The following ABCC5 variants were observed in gnomAD, a reference collection of about 807,000 sequenced individuals.
The protein encoded by ABCC5 is ATP binding cassette subfamily C member 5, also known as ATP-binding cassette sub-family C member 5.
Under a neutral mutation model 160.9 loss-of-function variants are expected in ABCC5, and 61 were observed. That is an observed-to-expected ratio of 0.38 (90% CI 0.31 to 0.47). ABCC5 has a LOEUF of 0.47. Among genes scored for constraint, ABCC5 ranks in the 20% least tolerant of loss-of-function variants. ABCC5 has a pLI of 0.99. For missense variants in ABCC5, 1,308 were observed against 1,813.3 expected, an observed-to-expected ratio of 0.72 and a Z score of 5.06; for synonymous variants, 666 against 700.6, an observed-to-expected ratio of 0.95 and a Z score of 0.78.
intron 10 of ABCC5, among the ~76,000 whole-genome samples, chr3:183,972,795 C>T (rs373282384): frequency 3.3e-5 from 5 of 152,222 alleles, no homozygotes; most frequent in Admixed American, 1.3e-4. Flanking sequence ...CAGGCACGTG[C>T]CACCATGCCC....
Position 183,982,898 on chromosome 3 carries a change from C to G in ABCC5, c.701G>C (p.Trp234Ser), listed in dbSNP as rs1314133085. ...CAATGCCCAAGTCAGTGCAAGCGAC[C>G]AAGACCGCACGATTTCCGTCAGGAG... ...GLLLTEIVRS[W>S]SLALTWALNY... The change falls in exon 6 of 30, where the codon TGG becomes TCG. Residue 234 changes from tryptophan (W) to serine (S), a missense_variant. This residue lies in a region of ABCC5 where 1,142 missense variants were observed against 1,527.1 expected (regional missense o/e 0.75). Transcript: ENST00000334444. The surrounding 1 kb of genome is among the most constrained non-coding windows in gnomAD (Gnocchi z 5.2). The G allele has an allele frequency of 6.2e-7, 1 of 1,614,086 alleles. No homozygotes were observed. Among genetic ancestry groups the G allele is most frequent in the Admixed American group, 1.7e-5 (1 of 60,008 alleles).
At chr3:183,952,480 G>A (rs1715464724) in intron 18 of ABCC5, among the ~76,000 whole-genome samples, 1 of 152,078 alleles carries the variant, frequency 6.6e-6, no homozygotes, top group African/African-American at 2.4e-5. Flanking sequence ...ATATGGTTTG[G>A]CTTTGTGTCC....
chr3:183,951,797 C>T lies in ABCC5; in HGVS notation c.2814+60G>A. 1 of 1,587,222 alleles carries T rather than the reference C, an allele frequency of 6.3e-7. No homozygotes were observed. Among genetic ancestry groups the T allele is most frequent in the South Asian group, 1.1e-5 (1 of 89,650 alleles). ...ACTCAGCATGAACTGAGAGACGCCACACCAAAGCCTGACCACAGGTCACCA... is the reference window on the plus strand; with the variant it reads ...ACTCAGCATGAACTGAGAGACGCCATACCAAAGCCTGACCACAGGTCACCA... On this transcript the variant is annotated intron_variant, in intron 19 of 29. Coordinates refer to ENST00000334444, the MANE Select transcript of ABCC5 (RefSeq NM_005688.4). The surrounding 1 kb of genome is among the most constrained non-coding windows in gnomAD (Gnocchi z 4.7).
chr3:183,973,628 C>T (rs1243122050), intron 10 of ABCC5, among the ~76,000 whole-genome samples: 1 of 152,086 alleles, frequency 6.6e-6, no homozygotes, highest in African/African-American at 2.4e-5. Flanking sequence ...CTTAAGCCCC[C>T]GTCTCCCATT....
At chr3:184,003,329 T>TA (rs1162512735) in intron 2 of ABCC5, among the ~76,000 whole-genome samples, 4 of 152,086 alleles carry the variant, frequency 2.6e-5, no homozygotes, top group Non-Finnish European at 4.4e-5. Context: ...TCCAACAAGT[T>TA]AAAGAAACCT....
intron 2 of ABCC5, among the ~76,000 whole-genome samples, chr3:184,003,369 C>A (rs554909797): frequency 6.6e-6 from 1 of 152,280 alleles, no homozygotes; most frequent in African/African-American, 2.4e-5. Context: ...CAATTCCCAC[C>A]ACATCCTTAC....
intron 26 of ABCC5, among the ~76,000 whole-genome samples, chr3:183,936,751 G>A (rs928872272): frequency 2.6e-5 from 4 of 152,082 alleles, no homozygotes; most frequent in East Asian, 1.9e-4. Flanking sequence ...CTCGTGATCC[G>A]CCCGCATTGG....
Position 184,014,407 on chromosome 3 carries a change from G to A in ABCC5, c.-15C>T, listed in dbSNP as rs1046041695. The stretch of plus-strand genomic sequence containing the variant: ...ATATCCTTCATCTTCTCTGAGTGGA[G>A]GTTCCAGGGCTCACAGACTGTTAGT... On this transcript the variant is annotated 5_prime_UTR_variant, in exon 2 of 30. Transcript: ENST00000334444. 36 of 1,604,836 alleles carry A rather than the reference G, an allele frequency of 2.2e-5. No homozygotes were observed. Among genetic ancestry groups the A allele is most frequent in the Non-Finnish European group, 2.9e-5 (34 of 1,176,274 alleles).
chr3:183,988,835 T>A lies in ABCC5; in HGVS notation c.288-108A>T. The A allele has an allele frequency of 1.6e-6, 2 of 1,278,668 alleles. No individual in the cohort carries two copies. The highest frequency in any genetic ancestry group is 2.1e-6 in the Non-Finnish European group (2 of 939,708). The allele number at this position is 1,278,668 out of a possible 1,614,324, so 79.2% of individuals were successfully genotyped here. ...CACAGCTCTTAGCTAAAGACCAGTC[T>A]CCCCAGATGATCTAATCTTAGCCTG... On this transcript the variant is annotated intron_variant, in intron 3 of 29. Coordinates refer to ENST00000334444, the MANE Select transcript of ABCC5 (RefSeq NM_005688.4). This position sits in a 1 kb window ranked among gnomAD's most constrained non-coding sequence, Gnocchi z 4.4.
chr3:183,984,816 AG>A, intron 5 of ABCC5: 2 of 1,583,142 alleles, frequency 1.3e-6, no homozygotes, highest in South Asian at 2.3e-5. Context: ...CCTCACGTGA[AG>A]CAACTCAGTA....
chr3:183,930,451 C>T (rs543714373), intron 26 of ABCC5, among the ~76,000 whole-genome samples: 2 of 152,288 alleles, frequency 1.3e-5, no homozygotes, highest in East Asian at 3.9e-4. Context: ...CCTGTGTCTC[C>T]CCAAAAGACA....
chr3:183,982,374 A>C lies in ABCC5; in HGVS notation c.999+77T>G. ...CAATCAGAGCTGTGAGACCTCAGCAATGCCTACTATAACCCAATGGAAGTA... is the reference window on the plus strand; with the variant it reads ...CAATCAGAGCTGTGAGACCTCAGCACTGCCTACTATAACCCAATGGAAGTA... On this transcript the variant is annotated intron_variant, in intron 7 of 29. Transcript: ENST00000334444. The surrounding 1 kb of genome is among the most constrained non-coding windows in gnomAD (Gnocchi z 5.2). 6.7e-7 allele frequency: 1 copy of C among 1,487,000 alleles called. No homozygotes were observed. The highest frequency in any genetic ancestry group is 9.1e-7 in the Non-Finnish European group (1 of 1,100,758). 92.1% of individuals were successfully genotyped at this position (1,487,000 alleles called of 1,614,324 possible).
rs1311809706 is a variant in ABCC5, at chr3:183,980,032, G to A, written c.1148-1381C>T. Among the ~76,000 whole-genome samples the A allele has an allele frequency of 4.6e-5, 7 of 151,954 alleles. No individual in the cohort carries two copies. In the South Asian group the frequency reaches 1.0e-3, roughly 23 times the overall value. On this transcript the variant is annotated intron_variant, in intron 8 of 29. Transcript: ENST00000334444. ...CTAGGATTACAGGCTGTGCCACCAC[G>A]CCTAGCTAATTTTTGTATTTTTAGT...
At chr3:183,956,207 T>C (rs1715923934) in intron 17 of ABCC5, among the ~76,000 whole-genome samples, 1 of 147,574 alleles carries the variant, frequency 6.8e-6, no homozygotes, top group Non-Finnish European at 1.5e-5. Context: ...ATCGGTTACA[T>C]GCAGATCCGT....
intron 11 of ABCC5, 29 bp from the exon 12 acceptor site, chr3:183,967,795 A>G: frequency 3.2e-6 from 5 of 1,551,916 alleles, no homozygotes; most frequent in Non-Finnish European, 3.6e-6. Flanking sequence ...GAGGAGGGTC[A>G]TTTAGAGACT....
At chr3:183,937,715 C>A (rs978103364) in intron 26 of ABCC5, among the ~76,000 whole-genome samples, 186 bp downstream of exon 26, 6 of 152,178 alleles carry the variant, frequency 3.9e-5, no homozygotes, top group African/African-American at 1.4e-4. Flanking sequence ...TTCAGTCAAC[C>A]AAGTGGCATT....
At chr3:183,967,495 C>A in intron 12 of ABCC5, 200 bp downstream of exon 12, 1 of 559,516 alleles carries the variant, frequency 1.8e-6, no homozygotes, top group Non-Finnish European at 3.2e-6. Flanking sequence ...ATCCATCAGG[C>A]GCCCACCAGG....
intron 15 of ABCC5, among the ~76,000 whole-genome samples, chr3:183,961,918 T>G (rs1316468883): frequency 3.3e-5 from 5 of 152,198 alleles, no homozygotes; most frequent in Admixed American, 2.6e-4. Flanking sequence ...TAGCTGGGAC[T>G]ACAGGCATGC....
intron 27 of ABCC5, among the ~76,000 whole-genome samples, chr3:183,928,422 T>A (rs1481488634): frequency 6.6e-6 from 1 of 152,214 alleles, no homozygotes; most frequent in Non-Finnish European, 1.5e-5. Flanking sequence ...ACGTTATATA[T>A]CTTTTGCGTA....
Sources: allele counts gnomAD v4.1 joint callset (sites outside exome capture counted in the v4.1 genomes callset), GRCh38; gene constraint gnomAD v4.1.1; regional missense constraint gnomAD v4.1.1; non-coding constraint Gnocchi (gnomAD v3.1); transcripts MANE v1.5; gene names NCBI Gene and HGNC (gene_info 2026-07-23, HGNC 2026-07-21).